TTLL3: variants seen among roughly 807,000 people sequenced by gnomAD.
TTLL3 encodes tubulin monoglycylase TTLL3.
Under a neutral mutation model 75.2 loss-of-function variants are expected in TTLL3, and 63 were observed. The observed-to-expected ratio is 0.84, with a 90% CI of 0.68 to 1.03. The LOEUF is 1.03. Ranked by LOEUF, TTLL3 falls within the 50% of genes least tolerant of loss-of-function variation. The pLI, the probability that TTLL3 is intolerant of heterozygous loss-of-function variation, is 0.00. For synonymous variants in TTLL3, 393 were observed against 418.5 expected, an observed-to-expected ratio of 0.94 and a Z score of 0.74; for missense variants, 997 against 1,069.9, an observed-to-expected ratio of 0.93 and a Z score of 0.95.
chr3:9,815,921 A>C (rs777269414), intron 4 of TTLL3, among the ~76,000 whole-genome samples, 153 bp from the exon 5 acceptor site: 2 of 152,182 alleles, frequency 1.3e-5, no homozygotes, highest in Non-Finnish European at 2.9e-5. Flanking sequence ...AATCTTCTTG[A>C]CTTACACAAA....
intron 8 of TTLL3, among the ~76,000 whole-genome samples, chr3:9,822,287 T>G (rs1178327076): frequency 6.6e-6 from 1 of 151,606 alleles, no homozygotes; most frequent in African/African-American, 2.4e-5. Context: ...CAGACTGGTA[T>G]CGAACTCCTG....
upstream of TTLL3, chr3:9,809,914 C>T (rs1016574893): frequency 3.8e-6 from 2 of 524,604 alleles, no homozygotes; most frequent in African/African-American, 4.4e-5. Flanking sequence ...GGACAAGGCT[C>T]GAGCCTAGGC....
At position 9,817,736 on chromosome 3, in the gene TTLL3, A is replaced by G; in HGVS notation, c.536A>G (p.Glu179Gly). The G allele has an allele frequency of 1.2e-6, 2 of 1,614,160 alleles. No homozygotes were observed. The highest frequency in any genetic ancestry group is 1.7e-6 in the Non-Finnish European group (2 of 1,180,018). The change falls in exon 6 of 14, where the codon GAG (glutamate) becomes GGG (glycine). Residue 179 changes from glutamate to glycine, a missense_variant. Transcript: ENST00000685419. ...FFPRCYCLGA[E>G]DDKKAFIEDF... Reference sequence around the variant, plus strand: ...CCACGCTGCTACTGCCTGGGGGCTGAGGATGACAAAAAAGCCTTCATAGGT... The same window carrying G: ...CCACGCTGCTACTGCCTGGGGGCTGGGGATGACAAAAAAGCCTTCATAGGT...
At chr3:9,817,364 C>T in intron 5 of TTLL3, 1 of 905,914 alleles carries the variant, frequency 1.1e-6, no homozygotes, top group Non-Finnish European at 1.3e-6. Context: ...GCAGAGCTTA[C>T]AGTGAGCCGA....
At chr3:9,814,343 A>C (rs1198787645) in intron 4 of TTLL3, among the ~76,000 whole-genome samples, 1 of 150,222 alleles carries the variant, frequency 6.7e-6, no homozygotes, top group African/African-American at 2.5e-5. Flanking sequence ...CTGAAAAAAT[A>C]AATAAATAAA....
intron 4 of TTLL3, among the ~76,000 whole-genome samples, chr3:9,813,616 C>T (rs746446666): frequency 6.6e-6 from 1 of 151,746 alleles, no homozygotes; most frequent in Non-Finnish European, 1.5e-5. Context: ...TCAGTCTCTA[C>T]AAAAAAAGGT....
rs772023415 is a variant in TTLL3, at chr3:9,827,058, G to A, written c.1065G>A (p.Val355=). 6.2e-7 allele frequency: 1 copy of A among 1,614,222 alleles called. No homozygotes were observed. The highest frequency in any genetic ancestry group is 8.5e-7 in the Non-Finnish European group (1 of 1,180,028). Residue 355 remains valine, a synonymous_variant, in exon 10 of 14, where the codon GTG becomes GTA. Coordinates refer to ENST00000685419, the MANE Select transcript of TTLL3 (RefSeq NM_001387446.1). ...AGCTGGTGAACGGCAACCCCGTGGT[G>A]ATGAAGGACGGCAAGTGGGTGGTGC... ...MLKLVNGNPV[V]MKDGKWVVQK... is the part of the protein sequence containing the mutation.
At chr3:9,827,679 T>C in intron 10 of TTLL3, 1 of 219,584 alleles carries the variant, frequency 4.6e-6, no homozygotes, top group South Asian at 7.5e-5. Flanking sequence ...GATTACACTA[T>C]GCCTGGCCCC....
rs2079250300 is a variant in TTLL3 at position 9,810,541 on chromosome 3, G to A, written c.-41-80G>A. 4 of 1,486,416 alleles carry A rather than the reference G, an allele frequency of 2.7e-6. No individual in the cohort carries two copies. In the Admixed American group the frequency reaches 7.3e-5, roughly 27 times the overall value. 92.1% of individuals were successfully genotyped at this position (1,486,416 alleles called of 1,614,324 possible). A position where few individuals can be genotyped will look rare whatever the true frequency, so the allele number is the denominator to read the frequency against. ...GGAGGAAGAAAAGAGGCGTGGCTAT[G>A]GGCGGCCAGAAAAGATCCTAGGCCG... is the stretch of plus-strand genomic sequence containing the variant. On this transcript the variant is annotated intron_variant, in intron 1 of 13. Coordinates refer to ENST00000685419, the MANE Select transcript of TTLL3 (RefSeq NM_001387446.1). This position sits in a 1 kb window ranked among gnomAD's most constrained non-coding sequence, Gnocchi z 4.4.
chr3:9,823,020 C>A (rs2080628397), intron 8 of TTLL3, among the ~76,000 whole-genome samples: 1 of 150,814 alleles, frequency 6.6e-6, no homozygotes, highest in Non-Finnish European at 1.5e-5. Flanking sequence ...CCAAGGCTGG[C>A]GGATCATGAA....
intron 4 of TTLL3, 50 bp from the exon 5 acceptor site, chr3:9,816,024 C>A (rs139657148): frequency 0.018 from 24,157 of 1,316,302 alleles, 288 homozygotes; most frequent in Non-Finnish European, 0.022. Flanking sequence ...TGCCTTAGGC[C>A]CTGCTACCCA....
chr3:9,825,655 G>C, intron 8 of TTLL3, 145 bp from the exon 9 acceptor site: 1 of 1,464,420 alleles, frequency 6.8e-7, no homozygotes, highest in South Asian at 1.2e-5. Context: ...CCGGAGGCTT[G>C]GGAGGGACCT....
At chr3:9,814,516 T>C (rs1192553400) in intron 4 of TTLL3, among the ~76,000 whole-genome samples, 1 of 151,534 alleles carries the variant, frequency 6.6e-6, no homozygotes, top group Non-Finnish European at 1.5e-5. Flanking sequence ...GGTGTAGTGG[T>C]GTATGCCTGT....
At chr3:9,821,523 A>G (rs1220196614) in intron 8 of TTLL3, among the ~76,000 whole-genome samples, 1 of 152,180 alleles carries the variant, frequency 6.6e-6, no homozygotes, top group African/African-American at 2.4e-5. Flanking sequence ...TGGTAATGGG[A>G]AGAAATGGAT....
At chr3:9,824,146 A>G (rs117026721) in intron 8 of TTLL3, among the ~76,000 whole-genome samples, 1 of 152,360 alleles carries the variant, frequency 6.6e-6, no homozygotes, top group East Asian at 1.9e-4. Context: ...TAGGGGATTC[A>G]GACAATAACC....
chr3:9,825,168 T>A (rs1276529988), intron 8 of TTLL3, among the ~76,000 whole-genome samples: 2 of 151,996 alleles, frequency 1.3e-5, no homozygotes, highest in Non-Finnish European at 2.9e-5. Flanking sequence ...CTGGGTAACA[T>A]AATAAGACCC....
upstream of TTLL3, chr3:9,810,086 G>C: frequency 7.1e-7 from 1 of 1,402,422 alleles, no homozygotes. This position sits in a 1 kb window ranked among gnomAD's most constrained non-coding sequence, Gnocchi z 4.4. Flanking sequence ...TCCTGGTACC[G>C]CCAGGAGGGC....
intron 8 of TTLL3, 67 bp downstream of exon 8, chr3:9,820,808 G>T: frequency 6.3e-7 from 1 of 1,578,052 alleles, no homozygotes; most frequent in African/African-American, 1.3e-5. Flanking sequence ...TTTCTGTCTC[G>T]TGCAGCCCCT....
At chr3:9,813,439 TTCTC>T in intron 4 of TTLL3, 94 bp downstream of exon 4, 1 of 1,387,252 alleles carries the variant, frequency 7.2e-7, no homozygotes, top group Non-Finnish European at 1.0e-6. Flanking sequence ...AGTCCTTTCT[TTCTC>T]TGGGCCACAG....
Sources: allele counts gnomAD v4.1 joint callset (sites outside exome capture counted in the v4.1 genomes callset), GRCh38; gene constraint gnomAD v4.1.1; non-coding constraint Gnocchi (gnomAD v3.1); transcripts MANE v1.5; gene names NCBI Gene and HGNC (gene_info 2026-07-23, HGNC 2026-07-21).